Variants in PTPRS observed in about 807,000 individuals in gnomAD.
The protein encoded by PTPRS is receptor-type tyrosine-protein phosphatase S.
Under a neutral mutation model 215.3 loss-of-function variants are expected in PTPRS, and 63 were observed. The observed-to-expected ratio is 0.29, with a 90% CI of 0.24 to 0.36. The LOEUF is 0.36. Ranked by LOEUF, PTPRS falls within the 10% of genes least tolerant of loss-of-function variation. The pLI is 1.00. For synonymous variants in PTPRS, 1,404 were observed against 1,191.4 expected (o/e 1.18, Z -3.68); for missense variants, 2,258 against 2,825.8 (o/e 0.80, Z 4.56).
rs2043549947 is a variant in PTPRS at position 5,237,361 on chromosome 19, C to G, written c.1849+1558G>C. On this transcript the variant is annotated intron_variant, in intron 13 of 37. Transcript: ENST00000262963. The surrounding 1 kb of genome is among the most constrained non-coding windows in gnomAD (Gnocchi z 4.2). The stretch of plus-strand genomic sequence containing the variant: ...CTCCTGGGCCCCACCCGTCTCGGGG[C>G]AAGAAGCGGGGAGTCCCTTCTCCCC... Among the ~76,000 whole-genome samples, 1 of 152,216 alleles carries G rather than the reference C, an allele frequency of 6.6e-6. No homozygotes were observed. The highest frequency in any genetic ancestry group is 2.1e-4 in the South Asian group (1 of 4,832).
intron 35 of PTPRS, among the ~76,000 whole-genome samples, chr19:5,209,941 A>G (rs954866240): frequency 2.0e-5 from 3 of 152,104 alleles, no homozygotes; most frequent in African/African-American, 7.2e-5. Flanking sequence ...TCCACCACTA[A>G]CTTTGATCCT....
chr19:5,236,282 A>G (rs1021006245), intron 13 of PTPRS, among the ~76,000 whole-genome samples: 1 of 152,236 alleles, frequency 6.6e-6, no homozygotes, highest in Non-Finnish European at 1.5e-5. Flanking sequence ...TTTACAGGTG[A>G]GGAAACTGAG....
At chr19:5,254,238 C>G (rs1468849113) in intron 9 of PTPRS, among the ~76,000 whole-genome samples, 1 of 152,180 alleles carries the variant, frequency 6.6e-6, no homozygotes, top group Non-Finnish European at 1.5e-5. Flanking sequence ...GCAAATCTTA[C>G]TGCATCTAAA....
intron 1 of PTPRS, among the ~76,000 whole-genome samples, chr19:5,310,477 C>G (rs892550147): frequency 5.9e-5 from 9 of 151,980 alleles, no homozygotes; most frequent in Middle Eastern, 6.8e-3. Context: ...ACCACCATAC[C>G]CAGCTAATTT....
At chr19:5,211,131 G>A (rs966033103) in intron 33 of PTPRS, among the ~76,000 whole-genome samples, 17 of 152,162 alleles carry the variant, frequency 1.1e-4, no homozygotes, top group African/African-American at 3.1e-4. Context: ...TCTCAGCCCC[G>A]GGCCTTTGCA....
rs769766853 is a variant in PTPRS, at chr19:5,229,586, G to C, written c.2254C>G (p.Gln752Glu). Residue 752 changes from glutamine (Q) to glutamate (E), a missense_variant, in exon 15 of 38, where the codon CAG becomes GAG. By Grantham distance (29) the Gln-to-Glu change is conservative (BLOSUM62 2). This residue lies in a region of PTPRS where 371 missense variants were observed against 446.7 expected (regional missense o/e 0.83). Transcript: ENST00000262963. ...TAGTGGACCTGGTAGCCGCGGATCT[G>C]GCCGTGCTGCCGGCCGGGCGCGGGC... ...RSPAPGRQHG[Q>E]IRGYQVHYVR... The C allele has an allele frequency of 2.1e-6, 3 of 1,437,388 alleles. No homozygotes were observed. The highest frequency in any genetic ancestry group is 1.4e-5 in the South Asian group (1 of 71,632). 89.0% of individuals were successfully genotyped at this position (1,437,388 alleles called of 1,614,324 possible).
At position 5,287,278 on chromosome 19, in the gene PTPRS, T is replaced by C. The variant is rs1192449403; in HGVS notation, c.-94-1044A>G. ...CTGCCCCTCAAAGGTCAATTCCCCCTACATTCTACATCCCGGAGCATCAGA... is the reference window on the plus strand; with the variant it reads ...CTGCCCCTCAAAGGTCAATTCCCCCCACATTCTACATCCCGGAGCATCAGA... On this transcript the variant is annotated intron_variant, in intron 1 of 37. Coordinates refer to ENST00000262963, the MANE Select transcript of PTPRS (RefSeq NM_002850.4). The surrounding 1 kb of genome is among the most constrained non-coding windows in gnomAD (Gnocchi z 4.8). Among the ~76,000 whole-genome samples the C allele has an allele frequency of 6.6e-6, 1 of 152,202 alleles. No individual in the cohort carries two copies. Among genetic ancestry groups the C allele is most frequent in the Admixed American group, 6.5e-5 (1 of 15,276 alleles).
chr19:5,331,609 G>A (rs1342568804), intron 1 of PTPRS, among the ~76,000 whole-genome samples: 1 of 152,080 alleles, frequency 6.6e-6, no homozygotes, highest in African/African-American at 2.4e-5. Context: ...TGCCAAGTGT[G>A]CCCAGGGGAG....
In PTPRS at chr19:5,272,595, CAAAAAAAAAAAAAAAAAAAAAAAAA is replaced by C. The variant is rs10527451; in HGVS notation, c.379+822_379+846del. On this transcript the variant is annotated intron_variant, in intron 4 of 37. Transcript: ENST00000262963. ...CCAGCGCAACAAAGCAAGACTGTCT[CAAAAAAAAAAAAAAAAAAAAAAAAA>C]AAAAAAAAAAAAAAAAAGAATTGCA... 2.9e-3 allele frequency among the ~76,000 whole-genome samples: 214 copies of C among 73,444 alleles called. 2 individuals are homozygous for C. The highest frequency in any genetic ancestry group is 4.3e-3 in the Non-Finnish European group (165 of 38,004). The allele number at this position is 73,444 out of a possible 152,430, so 48.2% of individuals were successfully genotyped here.
rs1332042004 is a variant in PTPRS at position 5,276,395 on chromosome 19, G to A, written c.92-2051C>T. Among the ~76,000 whole-genome samples the A allele has an allele frequency of 3.3e-5, 5 of 151,606 alleles. No homozygotes were observed. In the East Asian group the frequency reaches 5.9e-4, roughly 18 times the overall value. On this transcript the variant is annotated intron_variant, in intron 2 of 37. Coordinates refer to ENST00000262963, the MANE Select transcript of PTPRS (RefSeq NM_002850.4). ...GCACCACCACGCCTGGCTAATTTTT[G>A]TATTTTTAGTAGAGATGGGGTTTCA...
intron 13 of PTPRS, among the ~76,000 whole-genome samples, chr19:5,238,158 C>A (rs11085119): frequency 6.6e-6 from 1 of 152,012 alleles, no homozygotes; most frequent in Non-Finnish European, 1.5e-5. Flanking sequence ...GCCAGGGAGG[C>A]AGGTGAGGTG....
chr19:5,250,464 G>A (rs907949631), intron 9 of PTPRS, among the ~76,000 whole-genome samples: 2 of 152,164 alleles, frequency 1.3e-5, no homozygotes, highest in Non-Finnish European at 2.9e-5. Flanking sequence ...CCACGGGACG[G>A]AGAGGCCCCG....
chr19:5,310,507 AG>A (rs1483583680), intron 1 of PTPRS, among the ~76,000 whole-genome samples: 2 of 151,596 alleles, frequency 1.3e-5, no homozygotes, highest in Admixed American at 6.6e-5. Context: ...TAGTAGAGAC[AG>A]GGTTTCACCA....
rs1343933406 is a variant in PTPRS, at chr19:5,293,921, AGAGGGAGAGGAG to A, written c.-94-7699_-94-7688del. Among the ~76,000 whole-genome samples the A allele has an allele frequency of 6.6e-6, 1 of 152,180 alleles. No homozygotes were observed. The highest frequency in any genetic ancestry group is 2.4e-5 in the African/African-American group (1 of 41,452). ...CGTGCCAGGCCCGCGACACCGGAGC[AGAGGGAGAGGAG>A]GAGGGAGAGGGAGGGGCAGACCTGT... On this transcript the variant is annotated intron_variant, in intron 1 of 37. Coordinates refer to ENST00000262963, the MANE Select transcript of PTPRS (RefSeq NM_002850.4). This position sits in a 1 kb window ranked among gnomAD's most constrained non-coding sequence, Gnocchi z 8.4.
intron 9 of PTPRS, 31 bp from the exon 10 acceptor site, chr19:5,246,076 G>A (rs1350865555): frequency 7.2e-7 from 1 of 1,384,734 alleles, no homozygotes; most frequent in South Asian, 1.5e-5. Context: ...GCGGCGGGAG[G>A]GAGATGCGAG....
chr19:5,286,439 T>A (rs2048357693), intron 1 of PTPRS: 5 of 418,444 alleles, frequency 1.2e-5, no homozygotes, highest in Non-Finnish European at 2.2e-5. Context: ...CCACAAAAAA[T>A]CATATGTTGA....
intron 16 of PTPRS, among the ~76,000 whole-genome samples, chr19:5,228,194 G>C (rs2042672331): frequency 1.3e-5 from 2 of 151,590 alleles, no homozygotes; most frequent in Non-Finnish European, 2.9e-5. Flanking sequence ...TTAGAGACAG[G>C]ATCAGCCAGG....
intron 1 of PTPRS, among the ~76,000 whole-genome samples, chr19:5,335,469 C>T (rs929206062): frequency 2.6e-5 from 4 of 151,958 alleles, no homozygotes; most frequent in African/African-American, 4.8e-5. Context: ...AGCTCCTGCA[C>T]GGAGAACTGA....
In PTPRS at chr19:5,287,794, A is replaced by G. The variant is rs1185066703; in HGVS notation, c.-94-1560T>C. ...GTACATAGTTAGGCCACAGGCATAC[A>G]GTCAGACCAGCCACAGAGAACGATG... On this transcript the variant is annotated intron_variant, in intron 1 of 37. Transcript: ENST00000262963. This position sits in a 1 kb window ranked among gnomAD's most constrained non-coding sequence, Gnocchi z 4.8. Among the ~76,000 whole-genome samples the G allele has an allele frequency of 6.6e-6, 1 of 152,176 alleles. No individual in the cohort carries two copies. The highest frequency in any genetic ancestry group is 1.5e-5 in the Non-Finnish European group (1 of 68,022).
Sources: gnomAD v4.1 joint callset for allele counts (sites outside exome capture counted in the v4.1 genomes callset) on GRCh38, gnomAD v4.1.1 for gene constraint, gnomAD v4.1.1 regional missense constraint, Gnocchi (gnomAD v3.1) non-coding constraint, MANE v1.5 for transcripts, NCBI Gene and HGNC (gene_info 2026-07-23, HGNC 2026-07-21) for gene names.